Variants in CDK12 observed in about 807,000 individuals in gnomAD.
CDK12 encodes cyclin-dependent kinase 12.
A neutral mutation model predicts 133.8 loss-of-function variants in CDK12; 17 were observed. The ratio of observed to expected loss-of-function variants is 0.13; its 90% CI spans 0.09 to 0.19. The LOEUF is 0.19. Ranked by LOEUF, CDK12 falls within the 10% of genes least tolerant of loss-of-function variation. CDK12 has a pLI of 1.00. For missense variants in CDK12, 1,508 were observed against 1,818.7 expected (o/e 0.83, Z 3.11); for synonymous variants, 694 against 683.6 (o/e 1.02, Z -0.24).
intron 2 of CDK12, among the ~76,000 whole-genome samples, chr17:39,476,905 A>G (rs2050256518): frequency 6.7e-6 from 1 of 150,050 alleles, no homozygotes; most frequent in Admixed American, 6.7e-5. Flanking sequence ...TATTTTTATT[A>G]GAGATGGGGG....
chr17:39,557,566 G>A (rs1476574377), intron 3 of CDK12, among the ~76,000 whole-genome samples: 1 of 152,168 alleles, frequency 6.6e-6, no homozygotes, highest in African/African-American at 2.4e-5. Flanking sequence ...AAAAGCATCA[G>A]ATTTTAGCAG....
At position 39,514,664 on chromosome 17, in the gene CDK12, C is replaced by T. The variant is rs992064717; in HGVS notation, c.2769-1067C>T. Among the ~76,000 whole-genome samples the T allele has an allele frequency of 3.3e-5, 5 of 152,182 alleles. No homozygotes were observed. In the East Asian group the frequency reaches 7.7e-4, roughly 23 times the overall value. On this transcript the variant is annotated intron_variant, in intron 8 of 13. Coordinates refer to ENST00000447079, the MANE Select transcript of CDK12 (RefSeq NM_016507.4). Reference sequence around the variant, plus strand: ...CCTTTATTTTATTTTGAAATAATTTCAATGTATGGAAAAGTTACAGGAATA... The same window carrying T: ...CCTTTATTTTATTTTGAAATAATTTTAATGTATGGAAAAGTTACAGGAATA...
intron 2 of CDK12, among the ~76,000 whole-genome samples, chr17:39,484,829 C>T (rs926476955): frequency 3.3e-5 from 5 of 152,168 alleles, no homozygotes; most frequent in Non-Finnish European, 1.5e-5. Context: ...ATTGAATATG[C>T]TCATCCAGTA....
chr17:39,552,461 A>T (rs2055992371), intron 2 of CDK12, among the ~76,000 whole-genome samples: 1 of 152,206 alleles, frequency 6.6e-6, no homozygotes, highest in Non-Finnish European at 1.5e-5. Context: ...GATTTATTAA[A>T]TGGCTGCTGT....
chr17:39,529,892 A>T (rs974511294), intron 13 of CDK12: 1 of 152,152 alleles, frequency 6.6e-6, no homozygotes, highest in Non-Finnish European at 1.5e-5. Flanking sequence ...AAAAAAATGC[A>T]GTAGTTAGGA....
chr17:39,461,943 T>TC lies in CDK12; in HGVS notation c.-126dup. 1.7e-6 allele frequency: 1 copy of TC among 586,342 alleles called. No homozygotes were observed. Among genetic ancestry groups the TC allele is most frequent in the South Asian group, 2.0e-5 (1 of 50,636 alleles). 36.3% of individuals were successfully genotyped at this position (586,342 alleles called of 1,614,324 possible). Reference sequence around the variant, plus strand: ...GAGGGAGGAGGAGCCTGGGCTACCGTCCCTGCCCTCCCCACCCCCTTCCCG... The same window carrying TC: ...GAGGGAGGAGGAGCCTGGGCTACCGTCCCCTGCCCTCCCCACCCCCTTCCCG... On this transcript the variant is annotated 5_prime_UTR_variant, in exon 1 of 14. Coordinates refer to ENST00000447079, the MANE Select transcript of CDK12 (RefSeq NM_016507.4).
intron 6 of CDK12, among the ~76,000 whole-genome samples, chr17:39,508,771 G>A (rs1450141221): frequency 2.0e-5 from 3 of 152,054 alleles, no homozygotes; most frequent in Non-Finnish European, 4.4e-5. Flanking sequence ...GAGGAGGGAG[G>A]ATCACTTGAG....
At chr17:39,517,042 T>A (rs1045895039) in intron 9 of CDK12, among the ~76,000 whole-genome samples, 4 of 152,140 alleles carry the variant, frequency 2.6e-5, no homozygotes, top group Non-Finnish European at 5.9e-5. Context: ...TCTCTCAAAA[T>A]TTTCAGTCTT....
At chr17:39,510,291 T>A (rs1306492965) in intron 7 of CDK12, among the ~76,000 whole-genome samples, 1 of 151,760 alleles carries the variant, frequency 6.6e-6, no homozygotes, top group Admixed American at 6.6e-5. Flanking sequence ...AGCTAATTTT[T>A]TGTATTTTTA....
At chr17:39,469,187 T>C (rs1248795701) in intron 1 of CDK12, among the ~76,000 whole-genome samples, 1 of 152,174 alleles carries the variant, frequency 6.6e-6, no homozygotes, top group African/African-American at 2.4e-5. Context: ...TAGTAAAAAG[T>C]CATGAGAATT....
At chr17:39,504,286 A>G (rs770365300) in intron 6 of CDK12, among the ~76,000 whole-genome samples, 6 of 152,224 alleles carry the variant, frequency 3.9e-5, no homozygotes, top group Non-Finnish European at 8.8e-5. Flanking sequence ...CAAACTACCA[A>G]TACAGAGTTG....
chr17:39,474,664 G>T (rs1191497024), intron 2 of CDK12, among the ~76,000 whole-genome samples: 3 of 151,580 alleles, frequency 2.0e-5, no homozygotes, highest in Non-Finnish European at 4.4e-5. Context: ...GGGTGAGAAA[G>T]TATGTTTTTT....
At chr17:39,494,347 A>G (rs182961798) in intron 4 of CDK12, among the ~76,000 whole-genome samples, 177 bp from the exon 5 acceptor site, 63 of 152,316 alleles carry the variant, frequency 4.1e-4, no homozygotes, top group African/African-American at 1.4e-3. Context: ...TGTTGGGATT[A>G]CAGGTGTGAG....
At chr17:39,512,919 T>C (rs1321166417) in intron 8 of CDK12, among the ~76,000 whole-genome samples, 2 of 152,240 alleles carry the variant, frequency 1.3e-5, no homozygotes, top group Non-Finnish European at 2.9e-5. Context: ...TCATGTATTT[T>C]AATCCATTGT....
intron 7 of CDK12, among the ~76,000 whole-genome samples, chr17:39,510,165 G>C (rs549325291): frequency 1.4e-5 from 2 of 146,830 alleles, no homozygotes; most frequent in African/African-American, 5.2e-5. Context: ...TGTCACCTGG[G>C]CTGGAGTGCA....
downstream of CDK12, among the ~76,000 whole-genome samples, chr17:39,565,936 A>G (rs1332112301): frequency 2.0e-5 from 3 of 152,250 alleles, no homozygotes; most frequent in East Asian, 1.9e-4. Flanking sequence ...GGGGCTGTAC[A>G]ATAACCAAAA....
rs2146841217 is a variant in CDK12 at position 39,531,011 on chromosome 17, C to G, written c.4168C>G (p.Gln1390Glu). 1 of 1,614,172 alleles carries G rather than the reference C, an allele frequency of 6.2e-7. No homozygotes were observed. The highest frequency in any genetic ancestry group is 8.5e-7 in the Non-Finnish European group (1 of 1,180,012). The change falls in exon 14 of 14, where the codon CAG becomes GAG. Residue 1390 changes from glutamine (Q) to glutamate (E), a missense_variant. Coordinates refer to ENST00000447079, the MANE Select transcript of CDK12 (RefSeq NM_016507.4). ...LSHLGESSSY[Q>E]GTGSVQFPGD... ...CCACCTTGGGGAGTCCAGCAGTTAC[C>G]AGGGCACAGGGTCAGTGCAGTTTCC...
intron 3 of CDK12, among the ~76,000 whole-genome samples, chr17:39,563,587 G>C (rs1372482804): frequency 6.6e-6 from 1 of 151,210 alleles, no homozygotes; most frequent in African/African-American, 2.4e-5. Flanking sequence ...CGGCATCAGC[G>C]CCGAATTGCC....
intron 13 of CDK12, among the ~76,000 whole-genome samples, 156 bp downstream of exon 13, chr17:39,526,472 T>C (rs1355021788): frequency 6.6e-6 from 1 of 152,260 alleles, no homozygotes; most frequent in Non-Finnish European, 1.5e-5. Flanking sequence ...AATGTATTTC[T>C]TGCTTGGCTT....
Sources: gnomAD v4.1 joint callset for allele counts (sites outside exome capture counted in the v4.1 genomes callset) on GRCh38, gnomAD v4.1.1 for gene constraint, MANE v1.5 for transcripts, NCBI Gene and HGNC (gene_info 2026-07-23, HGNC 2026-07-21) for gene names.